STK3: variants seen among roughly 807,000 people sequenced by gnomAD.
STK3 encodes the protein serine/threonine-protein kinase 3.
Under a neutral mutation model 58.0 loss-of-function variants are expected in STK3, and 41 were observed. That is an observed-to-expected ratio of 0.71 (90% CI 0.55 to 0.92). The LOEUF (loss-of-function observed/expected upper bound fraction) is 0.92, where lower values mean the gene tolerates loss of function less well. Ranked by LOEUF, STK3 falls within the 40% of genes least tolerant of loss-of-function variation. The pLI is 0.00. For missense variants in STK3, 479 were observed against 602.7 expected, an observed-to-expected ratio of 0.79 and a Z score of 2.15; for synonymous variants, 170 against 191.0, an observed-to-expected ratio of 0.89 and a Z score of 0.91.
the STK3 span, among the ~76,000 whole-genome samples, chr8:98,359,070 G>A: frequency 1.3e-5 from 2 of 152,036 alleles, no homozygotes; most frequent in Non-Finnish European, 2.9e-5. Context: ...ACAGAGTTAC[G>A]ACATTCTAGG....
intron 1 of STK3, among the ~76,000 whole-genome samples, chr8:98,818,823 ATTTTTTTTGTTG>A (rs1440029852): frequency 1.3e-5 from 2 of 151,794 alleles, no homozygotes; most frequent in Non-Finnish European, 2.9e-5. Flanking sequence ...CAAACAATGA[ATTTTTTTTGTTG>A]TTTTTTTGAG....
chr8:98,525,732 T>C (rs896051217), intron 10 of STK3, among the ~76,000 whole-genome samples: 14 of 152,056 alleles, frequency 9.2e-5, no homozygotes, highest in South Asian at 2.1e-4. Context: ...ACTAAATTTA[T>C]TGGGGATAGA....
intron 3 of STK3, among the ~76,000 whole-genome samples, chr8:98,838,985 GTT>G (rs1369045266): frequency 6.3e-4 from 83 of 131,026 alleles, no homozygotes; most frequent in African/African-American, 1.9e-3. Flanking sequence ...TTGTTTGTTT[GTT>G]TTGTGTGTGT....
At chr8:98,578,744 A>G (rs1813611450) in intron 8 of STK3, among the ~76,000 whole-genome samples, 1 of 152,226 alleles carries the variant, frequency 6.6e-6, no homozygotes, top group African/African-American at 2.4e-5. Flanking sequence ...ATGTGTTTTC[A>G]GATTTTATGA....
chr8:98,865,107 G>A (rs1395312831), intron 3 of STK3, among the ~76,000 whole-genome samples: 1 of 152,132 alleles, frequency 6.6e-6, no homozygotes, highest in Non-Finnish European at 1.5e-5. Context: ...TGTAGAAGAA[G>A]AGGCCAGGCG....
At chr8:98,939,611 G>A (rs977384493) in intron 1 of STK3, among the ~76,000 whole-genome samples, 5 of 152,208 alleles carry the variant, frequency 3.3e-5, no homozygotes, top group African/African-American at 1.2e-4. Flanking sequence ...CTCAGCTCCA[G>A]CCAACTCACT....
chr8:98,609,426 A>C (rs1817009216), intron 6 of STK3, among the ~76,000 whole-genome samples: 1 of 152,208 alleles, frequency 6.6e-6, no homozygotes, highest in Non-Finnish European at 1.5e-5. Flanking sequence ...CTCATCTGAA[A>C]TATGGTACAA....
chr8:98,857,109 G>A lies in STK3; in HGVS notation c.110+26538C>T, dbSNP rs1282281527. ...GCTAAAGAATAGGGGGTTTCTTCTC[G>A]AGATGATGAACATGTTCTAAAATTG... is the stretch of plus-strand genomic sequence containing the variant. On this transcript the variant is annotated intron_variant, in intron 3 of 12. Coordinates refer to the STK3 transcript ENST00000523601. Among the ~76,000 whole-genome samples the A allele has an allele frequency of 2.6e-5, 4 of 152,274 alleles. No individual in the cohort carries two copies. The South Asian group carries it at 6.2e-4, about 24-fold the overall frequency.
At chr8:98,464,690 C>G (rs1250914131) in intron 10 of STK3, among the ~76,000 whole-genome samples, 1 of 151,840 alleles carries the variant, frequency 6.6e-6, no homozygotes, top group African/African-American at 2.4e-5. Context: ...TACTATGAAG[C>G]CTGTTTAAAG....
intron 10 of STK3, among the ~76,000 whole-genome samples, chr8:98,465,287 C>T (rs1455927291): frequency 2.0e-5 from 3 of 152,142 alleles, no homozygotes; most frequent in Non-Finnish European, 2.9e-5. Flanking sequence ...CAACATCTAA[C>T]CCACATAAAT....
intron 7 of STK3, among the ~76,000 whole-genome samples, chr8:98,585,503 GTAGTA>G (rs1814458346): frequency 6.6e-6 from 1 of 150,694 alleles, no homozygotes; most frequent in Non-Finnish European, 1.5e-5. Context: ...CTGTAGCCTT[GTAGTA>G]TAGTTTGAAG....
At chr8:98,558,697 TTCTC>T (rs1352796254) in intron 8 of STK3, among the ~76,000 whole-genome samples, 1 of 152,236 alleles carries the variant, frequency 6.6e-6, no homozygotes, top group East Asian at 1.9e-4. Flanking sequence ...CATTCTTTCT[TTCTC>T]TCATTCCTTT....
chr8:98,728,235 A>T (rs1347774160), intron 4 of STK3, among the ~76,000 whole-genome samples: 4 of 152,204 alleles, frequency 2.6e-5, no homozygotes. Flanking sequence ...GAGACTTGAA[A>T]ATATAAAATA....
chr8:98,714,175 A>G (rs1385856616), intron 4 of STK3, among the ~76,000 whole-genome samples: 2 of 152,362 alleles, frequency 1.3e-5, no homozygotes, highest in Middle Eastern at 3.4e-3. Context: ...CCAGTATCAT[A>G]CTGAATGGGC....
chr8:98,874,054 T>G (rs1362488268), intron 3 of STK3, among the ~76,000 whole-genome samples: 1 of 152,234 alleles, frequency 6.6e-6, no homozygotes, highest in African/African-American at 2.4e-5. Flanking sequence ...ACAAAGTCTC[T>G]CAGCATTTGT....
intron 1 of STK3, chr8:98,905,731 C>T: frequency 1.8e-6 from 1 of 556,310 alleles, no homozygotes; most frequent in South Asian, 1.9e-5. Context: ...GAGAACCCTA[C>T]AAAATCGTTT....
chr8:98,500,745 T>C (rs1823515982), intron 10 of STK3, among the ~76,000 whole-genome samples: 1 of 152,192 alleles, frequency 6.6e-6, no homozygotes, highest in Non-Finnish European at 1.5e-5. Flanking sequence ...AACTCATCCC[T>C]TTTTTATGGC....
chr8:98,930,083 A>G (rs755550884), intron 1 of STK3, among the ~76,000 whole-genome samples: 1 of 147,818 alleles, frequency 6.8e-6, no homozygotes, highest in Non-Finnish European at 1.5e-5. Flanking sequence ...AGGAAGTGGT[A>G]TAATAAATCT....
chr8:98,610,827 T>G (rs1261046121), intron 6 of STK3, among the ~76,000 whole-genome samples: 1 of 152,204 alleles, frequency 6.6e-6, no homozygotes, highest in Non-Finnish European at 1.5e-5. Context: ...CATACTATCC[T>G]CAAAATTATC....
Sources: allele counts gnomAD v4.1 joint callset (sites outside exome capture counted in the v4.1 genomes callset), GRCh38; gene constraint gnomAD v4.1.1; transcripts MANE v1.5; gene names NCBI Gene and HGNC (gene_info 2026-07-23, HGNC 2026-07-21).